PXDNL: variants seen among roughly 807,000 people sequenced by gnomAD.
PXDNL encodes peroxidasin like, also known as probable oxidoreductase PXDNL.
In PXDNL, 145 loss-of-function variants were observed where a neutral mutation model predicts 150.8. The ratio of observed to expected loss-of-function variants is 0.96; its 90% CI spans 0.84 to 1.10. PXDNL has a LOEUF of 1.10. PXDNL is among the 50% of genes least tolerant of loss of function. The pLI, the probability that PXDNL is intolerant of heterozygous loss-of-function variation, is 0.00. For missense variants in PXDNL, 2,087 were observed against 1,873.9 expected (o/e 1.11, Z -2.10); for synonymous variants, 757 against 725.7 (o/e 1.04, Z -0.69).
chr8:51,353,278 A>G (rs1806406992), intron 19 of PXDNL, among the ~76,000 whole-genome samples: 1 of 151,346 alleles, frequency 6.6e-6, no homozygotes, highest in African/African-American at 2.4e-5. Context: ...TTATTCATCA[A>G]TTCCACTTAT....
chr8:51,428,772 T>G (rs1809176429), intron 12 of PXDNL, among the ~76,000 whole-genome samples: 1 of 152,174 alleles, frequency 6.6e-6, no homozygotes, highest in East Asian at 1.9e-4. Context: ...GGAGAAAATC[T>G]TTGATATTTA....
At chr8:51,418,869 G>A (rs34452992) in intron 14 of PXDNL, among the ~76,000 whole-genome samples, 98,270 of 152,008 alleles carry the variant, frequency 0.65, 32,545 homozygotes, top group Non-Finnish European at 0.72. Flanking sequence ...CCAAACCTAC[G>A]TTCAAAATGA....
At chr8:51,321,795 ATAGCAGTGTGAGAATGAAC>A (rs1424528915) in intron 21 of PXDNL, among the ~76,000 whole-genome samples, 1 of 152,126 alleles carries the variant, frequency 6.6e-6, no homozygotes, top group Non-Finnish European at 1.5e-5. Flanking sequence ...GTAGTTCTTT[ATAGCAGTGTGAGAATGAAC>A]TAACACAGAA....
chr8:51,748,491 G>C (rs1309994334), intron 1 of PXDNL, among the ~76,000 whole-genome samples: 8 of 152,166 alleles, frequency 5.3e-5, no homozygotes, highest in Admixed American at 4.6e-4. Flanking sequence ...GCACGCTCCT[G>C]GATGCCACTG....
intron 1 of PXDNL, among the ~76,000 whole-genome samples, chr8:51,662,601 C>A: frequency 6.6e-6 from 1 of 152,148 alleles, no homozygotes; most frequent in Admixed American, 6.5e-5. Flanking sequence ...TTGCACAGCA[C>A]TTACCTTGTA....
intron 1 of PXDNL, among the ~76,000 whole-genome samples, chr8:51,753,595 C>T (rs35933421): frequency 0.061 from 9,276 of 152,284 alleles, 360 homozygotes; most frequent in Non-Finnish European, 0.085. Flanking sequence ...CTGTGCATCG[C>T]ACACTAAAAG....
intron 1 of PXDNL, among the ~76,000 whole-genome samples, chr8:51,720,160 C>A (rs562317232): frequency 6.7e-6 from 1 of 149,866 alleles, no homozygotes; most frequent in East Asian, 2.0e-4. Flanking sequence ...TATTTTAATT[C>A]TTTATTTCAA....
intron 1 of PXDNL, among the ~76,000 whole-genome samples, chr8:51,718,343 A>C (rs1020806941): frequency 6.6e-6 from 1 of 152,096 alleles, no homozygotes; most frequent in Non-Finnish European, 1.5e-5. Context: ...GAAGCTCTCC[A>C]CCCTTTAGTG....
At chr8:51,461,390 C>A (rs1477268634) in intron 8 of PXDNL, among the ~76,000 whole-genome samples, 1 of 152,218 alleles carries the variant, frequency 6.6e-6, no homozygotes, top group Non-Finnish European at 1.5e-5. Context: ...CACCTGACAG[C>A]CCAGCGATCT....
In PXDNL at chr8:51,666,605, C is replaced by T. The variant is rs529154936; in HGVS notation, c.165-11845G>A. On this transcript the variant is annotated intron_variant, in intron 1 of 22. Coordinates refer to ENST00000356297, the MANE Select transcript of PXDNL (RefSeq NM_144651.5). ...TACCAAAGATACCTGTCAACTTTAC[C>T]CAAAGTCTTAAAAAATGCTTCTCTT... Among the ~76,000 whole-genome samples the T allele has an allele frequency of 2.0e-5, 3 of 152,186 alleles. No individual in the cohort carries two copies. In the South Asian group the frequency reaches 6.2e-4, roughly 32 times the overall value.
chr8:51,602,278 T>C (rs1482743741), intron 2 of PXDNL, among the ~76,000 whole-genome samples: 1 of 152,054 alleles, frequency 6.6e-6, no homozygotes, highest in East Asian at 1.9e-4. Flanking sequence ...ATTTTCCATG[T>C]TGTTTGCTTT....
intron 2 of PXDNL, among the ~76,000 whole-genome samples, chr8:51,643,782 G>T (rs1388535565): frequency 2.0e-5 from 3 of 152,274 alleles, no homozygotes; most frequent in African/African-American, 7.2e-5. Flanking sequence ...GAAAATTTTT[G>T]CAATCTACTC....
At chr8:51,323,868 A>T (rs1351359964) in intron 21 of PXDNL, among the ~76,000 whole-genome samples, 1 of 151,756 alleles carries the variant, frequency 6.6e-6, no homozygotes, top group East Asian at 1.9e-4. Flanking sequence ...GTGAGCCAAG[A>T]TCATGCCATT....
intron 6 of PXDNL, among the ~76,000 whole-genome samples, chr8:51,480,174 A>G (rs1407618125): frequency 6.6e-6 from 1 of 152,186 alleles, no homozygotes; most frequent in Non-Finnish European, 1.5e-5. Flanking sequence ...GTCTAGGAAC[A>G]CAATATTAGA....
intron 1 of PXDNL, among the ~76,000 whole-genome samples, chr8:51,667,533 C>T (rs1484006566): frequency 6.6e-6 from 1 of 152,184 alleles, no homozygotes; most frequent in Non-Finnish European, 1.5e-5. Context: ...GGCTGGTTTA[C>T]TGCAACAGTA....
chr8:51,668,635 G>T (rs1815438769), intron 1 of PXDNL, among the ~76,000 whole-genome samples: 1 of 152,132 alleles, frequency 6.6e-6, no homozygotes, highest in Non-Finnish European at 1.5e-5. Flanking sequence ...CAGTTCAGAG[G>T]ATCCAATCAT....
chr8:51,805,220 T>G (rs2037662568), intron 1 of PXDNL, among the ~76,000 whole-genome samples: 1 of 151,862 alleles, frequency 6.6e-6, no homozygotes, highest in Non-Finnish European at 1.5e-5. Flanking sequence ...AAGTGGTCAT[T>G]CAAAGCCAGT....
intron 4 of PXDNL, among the ~76,000 whole-genome samples, chr8:51,523,612 TG>T (rs1208526981): frequency 7.9e-5 from 12 of 152,328 alleles, no homozygotes; most frequent in Non-Finnish European, 1.6e-4. Flanking sequence ...CCTTCCAGCA[TG>T]ATATGAAAAT....
chr8:51,696,268 G>C (rs1250108420), intron 1 of PXDNL, among the ~76,000 whole-genome samples: 1 of 152,178 alleles, frequency 6.6e-6, no homozygotes, highest in Non-Finnish European at 1.5e-5. Flanking sequence ...GTTAATCGAA[G>C]TCATAATGGT....
Sources: gnomAD v4.1 joint callset for allele counts (sites outside exome capture counted in the v4.1 genomes callset) on GRCh38, gnomAD v4.1.1 for gene constraint, MANE v1.5 for transcripts, NCBI Gene and HGNC (gene_info 2026-07-23, HGNC 2026-07-21) for gene names.